OR11G2: variants seen among roughly 807,000 people sequenced by gnomAD.
OR11G2 encodes the protein olfactory receptor 11G2.
In OR11G2, 2 loss-of-function variants were observed where a neutral mutation model predicts 0.9. The ratio of observed to expected loss-of-function variants is 2.35; its 90% CI spans 0.96 to 7.38. The LOEUF is 7.38. Ranked by LOEUF, OR11G2 falls within the 30% of genes most tolerant of loss-of-function variation. The pLI, the probability that OR11G2 is intolerant of heterozygous loss-of-function variation, is 0.05. For missense variants in OR11G2, 395 were observed against 371.3 expected, an observed-to-expected ratio of 1.06 and a Z score of -0.52; for synonymous variants, 153 against 142.0, an observed-to-expected ratio of 1.08 and a Z score of -0.55.
chr14:20,197,178 T>C (rs1165507902), intron 1 of OR11G2, among the ~76,000 whole-genome samples: 2 of 152,254 alleles, frequency 1.3e-5, no homozygotes, highest in Admixed American at 1.3e-4. Flanking sequence ...TGACAGCTTA[T>C]CAATTTTGGT....
rs1455817742 is a variant in OR11G2 at position 20,198,938 on chromosome 14, G to C, written c.*565G>C. On this transcript the variant is annotated 3_prime_UTR_variant, in exon 2 of 2. Transcript: ENST00000641879. Reference sequence around the variant, plus strand: ...TAAAGACAATATATGCAGTAATGAAGGTTTTGTTCTAGCAAGTAGATGGAG... The same window carrying C: ...TAAAGACAATATATGCAGTAATGAACGTTTTGTTCTAGCAAGTAGATGGAG... The C allele has an allele frequency of 6.6e-6, 1 of 152,184 alleles. No individual in the cohort carries two copies. Among genetic ancestry groups the C allele is most frequent in the Admixed American group, 6.5e-5 (1 of 15,284 alleles). The allele number at this position is 152,184 out of a possible 1,614,324, so 9.4% of individuals were successfully genotyped here.
rs373432254 is a variant in OR11G2, at chr14:20,197,454, G to C, written c.17G>C (p.Ser6Thr). 117 of 1,613,726 alleles carry C rather than the reference G, an allele frequency of 7.3e-5. No homozygotes were observed. The Middle Eastern group carries it at 8.4e-4, about 12-fold the overall frequency. The change falls in exon 2 of 2, where the codon AGC becomes ACC. Residue 6 changes from serine (S) to threonine (T), a missense_variant. Physicochemically the swap from Ser to Thr is moderately conservative, Grantham distance 58 (BLOSUM62 1). Transcript: ENST00000641879. ...CACAGGCACATGAAAATCTTCAACA[G>C]CCCCAGCAACTCCAGCACCTTCACT... MKIFN[S>T]PSNSSTFTGF...
rs1046484836 is a variant in OR11G2, at chr14:20,199,470, A to C, written c.*1097A>C. On this transcript the variant is annotated 3_prime_UTR_variant, in exon 2 of 2. Coordinates refer to ENST00000641879, the MANE Select transcript of OR11G2 (RefSeq NM_001386033.1). ...ACCCAGTAAATGGTCAAATATCCTC[A>C]GGGAAATACACATGGGGAATGTGAA... 1 of 152,238 alleles carries C rather than the reference A, an allele frequency of 6.6e-6. No individual in the cohort carries two copies. The highest frequency in any genetic ancestry group is 2.4e-5 in the African/African-American group (1 of 41,458). 9.4% of individuals were successfully genotyped at this position (152,238 alleles called of 1,614,324 possible). A position where few individuals can be genotyped will look rare whatever the true frequency, so the allele number is the denominator to read the frequency against.
intron 1 of OR11G2, among the ~76,000 whole-genome samples, chr14:20,191,996 G>T (rs1449801201): frequency 6.6e-6 from 1 of 150,472 alleles, no homozygotes; most frequent in African/African-American, 2.5e-5. Flanking sequence ...GGGTTCAGTT[G>T]ATTCTCCTGC....
At position 20,198,134 on chromosome 14, in the gene OR11G2, C is replaced by G. The variant is rs900778052; in HGVS notation, c.697C>G (p.Pro233Ala). ...ALVVRAVLRV[P>A]SAAGRRKAFS... ...GGTCGTGAGAGCTGTGTTGAGGGTC[C>G]CTTCAGCAGCTGGGAGAAGAAAGGC... Residue 233 changes from proline (P) to alanine (A), a missense_variant, in exon 2 of 2, where the codon CCT (proline) becomes GCT (alanine). Physicochemically the swap from Pro to Ala is conservative, Grantham distance 27. Transcript: ENST00000641879. The G allele has an allele frequency of 6.2e-7, 1 of 1,614,074 alleles. No individual in the cohort carries two copies.
At position 20,198,079 on chromosome 14, in the gene OR11G2, C is replaced by G; in HGVS notation, c.642C>G (p.Leu214=). Residue 214 remains leucine, a synonymous_variant, in exon 2 of 2, where the codon CTC becomes CTG. Transcript: ENST00000641879. Reference sequence around the variant, plus strand: ...TAAGTCCTCTGCCTGTCTTTATGCTCTTTCTCTTCATTGTGGGGTCCTATG... The same window carrying G: ...TAAGTCCTCTGCCTGTCTTTATGCTGTTTCTCTTCATTGTGGGGTCCTATG... ...SVLSPLPVFM[L]FLFIVGSYAL... 6.2e-7 allele frequency: 1 copy of G among 1,614,126 alleles called. No individual in the cohort carries two copies.
chr14:20,193,014 C>T (rs906114008), intron 1 of OR11G2, among the ~76,000 whole-genome samples: 2 of 152,082 alleles, frequency 1.3e-5, no homozygotes, highest in African/African-American at 4.8e-5. Flanking sequence ...GAAAGTTGGC[C>T]CAGAGGTCTG....
chr14:20,192,757 A>G (rs1879678236), intron 1 of OR11G2, among the ~76,000 whole-genome samples: 1 of 152,218 alleles, frequency 6.6e-6, no homozygotes, highest in Non-Finnish European at 1.5e-5. Context: ...CAAATATTTG[A>G]GAAATACCTA....
Position 20,192,263 on chromosome 14 carries a change from A to G in OR11G2, c.-5+597A>G, listed in dbSNP as rs28505782. ...TCTAGATCCATAAAGTCTTCATATC[A>G]TGTATACATGTGGGATACTTGGAAT... On this transcript the variant is annotated intron_variant, in intron 1 of 1. Coordinates refer to ENST00000641879, the MANE Select transcript of OR11G2 (RefSeq NM_001386033.1). Among the ~76,000 whole-genome samples the G allele has an allele frequency of 2.4e-3, 359 of 152,312 alleles. 3 individuals are homozygous for G. Among genetic ancestry groups the G allele is most frequent in the African/African-American group, 8.2e-3 (341 of 41,558 alleles).
At chr14:20,196,660 T>G (rs12101161) in intron 1 of OR11G2, among the ~76,000 whole-genome samples, 264 of 152,356 alleles carry the variant, frequency 1.7e-3, no homozygotes, top group African/African-American at 4.9e-3. Flanking sequence ...ATCCATAATT[T>G]GTATTATTGG....
chr14:20,191,219 CTT>C lies in OR11G2; in HGVS notation c.-450_-449del, dbSNP rs923997167. The C allele has an allele frequency of 1.3e-5, 2 of 152,270 alleles. No homozygotes were observed. The highest frequency in any genetic ancestry group is 2.9e-5 in the Non-Finnish European group (2 of 68,028). 9.4% of individuals were successfully genotyped at this position (152,270 alleles called of 1,614,324 possible). The stretch of plus-strand genomic sequence containing the variant: ...GAAAAGCTGTTCTTATTTTCAAGGA[CTT>C]TGCAGAAAGTAAATAGGTGTAATGA... On this transcript the variant is annotated 5_prime_UTR_variant, in exon 1 of 2. An upstream open reading frame in the 5' UTR loses its in-frame stop. Transcript: ENST00000641879.
In OR11G2 at chr14:20,198,882, T is replaced by C. The variant is rs564362317; in HGVS notation, c.*509T>C. ...TGTAACATGCCTCAATGTTTTTTAA[T>C]TGACTGGTGGGCATTGTATTTTAAA... On this transcript the variant is annotated 3_prime_UTR_variant, in exon 2 of 2. Transcript: ENST00000641879. 1 of 152,660 alleles carries C rather than the reference T, an allele frequency of 6.6e-6. No homozygotes were observed. The highest frequency in any genetic ancestry group is 2.1e-4 in the South Asian group (1 of 4,830). The allele number at this position is 152,660 out of a possible 1,614,324, so 9.5% of individuals were successfully genotyped here.
rs1879859485 is a variant in OR11G2 at position 20,199,568 on chromosome 14, T to G, written c.*1195T>G. On this transcript the variant is annotated 3_prime_UTR_variant, in exon 2 of 2. Transcript: ENST00000641879. ...GCTTGCCTATGTCAGTTGCTCTGAGTGCCTTCAAATGGTTGTTTTATGTAT... is the reference window on the plus strand; with the variant it reads ...GCTTGCCTATGTCAGTTGCTCTGAGGGCCTTCAAATGGTTGTTTTATGTAT... 1 of 152,332 alleles carries G rather than the reference T, an allele frequency of 6.6e-6. No individual in the cohort carries two copies. Among genetic ancestry groups the G allele is most frequent in the Admixed American group, 6.5e-5 (1 of 15,310 alleles). 9.4% of individuals were successfully genotyped at this position (152,332 alleles called of 1,614,324 possible).
chr14:20,193,784 G>A (rs2318885), intron 1 of OR11G2, among the ~76,000 whole-genome samples: 142,486 of 152,258 alleles, frequency 0.94, 66,716 homozygotes, highest in Non-Finnish European at 0.95. Context: ...GAGCCCATGA[G>A]ACTAAACTAT....
chr14:20,196,670 G>C (rs8008335), intron 1 of OR11G2, among the ~76,000 whole-genome samples: 13,888 of 152,172 alleles, frequency 0.091, 703 homozygotes, highest in Middle Eastern at 0.19. Flanking sequence ...TGTATTATTG[G>C]AATAGAATTA....
intron 1 of OR11G2, among the ~76,000 whole-genome samples, chr14:20,194,410 A>C (rs1594222705): frequency 1.3e-5 from 2 of 152,214 alleles, no homozygotes; most frequent in Non-Finnish European, 2.9e-5. Flanking sequence ...AGACAAAACT[A>C]AAAGGAATTA....
In OR11G2 at chr14:20,197,782, A is replaced by C; in HGVS notation, c.345A>C (p.Glu115Asp). ...FYFFFSLGST[E>D]CFFLAVMAFD... ...TTTTCTTCTCCTTGGGCTCTACAGA[A>C]TGCTTTTTCCTGGCAGTTATGGCAT... The change falls in exon 2 of 2, where the codon GAA becomes GAC. Residue 115 changes from glutamate (E) to aspartate (D), a missense_variant. Physicochemically the swap from Glu to Asp is conservative, Grantham distance 45 (BLOSUM62 2). Transcript: ENST00000641879. The C allele has an allele frequency of 6.2e-7, 1 of 1,613,946 alleles. No homozygotes were observed. The highest frequency in any genetic ancestry group is 8.5e-7 in the Non-Finnish European group (1 of 1,179,946).
chr14:20,194,732 CTT>C lies in OR11G2; in HGVS notation c.-4-2697_-4-2696del, dbSNP rs112518538. 2.9e-3 allele frequency among the ~76,000 whole-genome samples: 442 copies of C among 152,196 alleles called. 2 individuals are homozygous for C. Among genetic ancestry groups the C allele is most frequent in the African/African-American group, 0.01 (423 of 41,522 alleles). On this transcript the variant is annotated intron_variant, in intron 1 of 1. Coordinates refer to ENST00000641879, the MANE Select transcript of OR11G2 (RefSeq NM_001386033.1). Reference sequence around the variant, plus strand: ...GACCTTCACACATCATAGCAGAATTCTTTTTTGTGTGTTTTTATTCATTAGTA... The same window carrying C: ...GACCTTCACACATCATAGCAGAATTCTTTTGTGTGTTTTTATTCATTAGTA...
intron 1 of OR11G2, among the ~76,000 whole-genome samples, chr14:20,191,893 T>A (rs1879658901): frequency 1.5e-3 from 1 of 670 alleles, no homozygotes; most frequent in Non-Finnish European, 8.3e-3. Context: ...CAACTGGCAT[T>A]TTTTTTTTTT....
Sources: allele counts gnomAD v4.1 joint callset (sites outside exome capture counted in the v4.1 genomes callset), GRCh38; gene constraint gnomAD v4.1.1; transcripts MANE v1.5; gene names NCBI Gene and HGNC (gene_info 2026-07-23, HGNC 2026-07-21).